Variants in CADPS observed in about 807,000 individuals in gnomAD.
CADPS encodes calcium dependent secretion activator, also known as calcium-dependent secretion activator 1.
A neutral mutation model predicts 167.3 loss-of-function variants in CADPS; 57 were observed. The ratio of observed to expected loss-of-function variants is 0.34; its 90% CI spans 0.28 to 0.42. CADPS has a LOEUF of 0.42. Ranked by LOEUF, CADPS falls within the 20% of genes least tolerant of loss-of-function variation. CADPS has a pLI of 1.00. For synonymous variants in CADPS, 676 were observed against 635.3 expected (o/e 1.06, Z -0.96); for missense variants, 1,414 against 1,738.1 (o/e 0.81, Z 3.32).
At chr3:62,713,444 T>G (rs1404728129) in intron 3 of CADPS, among the ~76,000 whole-genome samples, 1 of 152,228 alleles carries the variant, frequency 6.6e-6, no homozygotes, top group African/African-American at 2.4e-5. Flanking sequence ...ACCTGGCAGT[T>G]ATCACCCCTT....
intron 3 of CADPS, among the ~76,000 whole-genome samples, chr3:62,695,484 C>G (rs2080093197): frequency 1.3e-5 from 2 of 152,014 alleles, no homozygotes; most frequent in African/African-American, 2.4e-5. Context: ...TAAACTGAGT[C>G]TGACACCTTA....
chr3:62,721,118 G>GTTTTTTTTTTTTGT (rs2075716065), intron 3 of CADPS, among the ~76,000 whole-genome samples: 1 of 120,354 alleles, frequency 8.3e-6, no homozygotes, highest in South Asian at 2.9e-4. Context: ...TGCCCGGCAG[G>GTTTTTTTTTTTTGT]TTTTTTTTTT....
intron 1 of CADPS, among the ~76,000 whole-genome samples, chr3:62,788,634 T>C (rs1173724600): frequency 6.6e-6 from 1 of 152,148 alleles, no homozygotes; most frequent in Non-Finnish European, 1.5e-5. Context: ...TGTGATGATA[T>C]TCCTTGTTGG....
At chr3:62,616,100 A>AT (rs1413890911) in intron 6 of CADPS, among the ~76,000 whole-genome samples, 1 of 152,182 alleles carries the variant, frequency 6.6e-6, no homozygotes, top group African/African-American at 2.4e-5. Flanking sequence ...TATGAGCACA[A>AT]TAAAATCCAG....
intron 28 of CADPS, among the ~76,000 whole-genome samples, chr3:62,415,321 G>A (rs1336860003): frequency 1.3e-5 from 2 of 152,032 alleles, no homozygotes. Flanking sequence ...AAAAACATCT[G>A]CAAACTCCCA....
At position 62,645,705 on chromosome 3, in the gene CADPS, G is replaced by A. The variant is rs1053830352; in HGVS notation, c.1325+17C>T. 15 of 1,613,304 alleles carry A rather than the reference G, an allele frequency of 9.3e-6. No individual in the cohort carries two copies. In the Admixed American group the frequency reaches 1.0e-4, roughly 11 times the overall value. ...AGCAACCCTCTATAAGATGGACCCT[G>A]GAGAAACATAACTTACGTTGGTTTA... On this transcript the variant is annotated intron_variant, in intron 6 of 29. Coordinates refer to ENST00000383710, the MANE Select transcript of CADPS (RefSeq NM_003716.4).
chr3:62,722,967 G>T (rs1048018409), intron 3 of CADPS, among the ~76,000 whole-genome samples: 6 of 152,130 alleles, frequency 3.9e-5, no homozygotes, highest in African/African-American at 1.4e-4. Flanking sequence ...GGAGAGGAAG[G>T]TGGTGGTGTC....
At chr3:62,415,099 G>A (rs532179286) in intron 28 of CADPS, among the ~76,000 whole-genome samples, 1 of 86,590 alleles carries the variant, frequency 1.2e-5, no homozygotes, top group African/African-American at 4.4e-5. Flanking sequence ...CACCCTCCCC[G>A]CCCCATACTT....
chr3:62,491,449 G>C lies in CADPS; in HGVS notation c.2916C>G (p.His972Gln). 1.2e-6 allele frequency: 2 copies of C among 1,613,944 alleles called. No homozygotes were observed. Among genetic ancestry groups the C allele is most frequent in the South Asian group, 2.2e-5 (2 of 91,078 alleles). The change falls in exon 21 of 30, where the codon CAC (histidine) becomes CAG (glutamine). Residue 972 changes from histidine to glutamine, a missense_variant. Transcript: ENST00000383710. ...YNLCNGKFHK[H>Q]LQDLFAPLVV... ...CAAGTGGGGCAAACAGGTCTTGCAG[G>C]TGTTTGTGAAATTTTCCATTGCACA...
intron 13 of CADPS, among the ~76,000 whole-genome samples, chr3:62,527,118 C>A (rs76890175): frequency 0.026 from 3,918 of 152,244 alleles, 167 homozygotes; most frequent in African/African-American, 0.089. Context: ...GATTTATGTG[C>A]ACAATGAAGT....
At chr3:62,741,290 T>G (rs867531173) in intron 3 of CADPS, among the ~76,000 whole-genome samples, 1 of 152,138 alleles carries the variant, frequency 6.6e-6, no homozygotes, top group Non-Finnish European at 1.5e-5. Context: ...CAGCATCATC[T>G]TGACACCAAA....
At chr3:62,715,892 C>T (rs1329731508) in intron 3 of CADPS, among the ~76,000 whole-genome samples, 2 of 146,560 alleles carry the variant, frequency 1.4e-5, no homozygotes, top group East Asian at 2.1e-4. Flanking sequence ...ACTACAGGCA[C>T]CCGCCACCAC....
chr3:62,718,287 T>C (rs925600875), intron 3 of CADPS, among the ~76,000 whole-genome samples: 1 of 152,144 alleles, frequency 6.6e-6, no homozygotes, highest in Admixed American at 6.5e-5. Context: ...GGTGAATGAA[T>C]GAATGAATGA....
intron 6 of CADPS, among the ~76,000 whole-genome samples, chr3:62,624,140 T>G (rs995629573): frequency 6.6e-6 from 1 of 152,128 alleles, no homozygotes; most frequent in African/African-American, 2.4e-5. Flanking sequence ...GCCTGAAACG[T>G]CAACAGTGCT....
intron 1 of CADPS, among the ~76,000 whole-genome samples, chr3:62,873,627 T>A (rs1350885686): frequency 6.6e-6 from 1 of 151,148 alleles, no homozygotes; most frequent in Non-Finnish European, 1.5e-5. Context: ...CTTTTTTTTT[T>A]TTTTTTTAAC....
chr3:62,514,400 A>T lies in CADPS; in HGVS notation c.2582-1632T>A, dbSNP rs756802221. On this transcript the variant is annotated intron_variant, in intron 16 of 29. Coordinates refer to ENST00000383710, the MANE Select transcript of CADPS (RefSeq NM_003716.4). The surrounding 1 kb of genome is among the most constrained non-coding windows in gnomAD (Gnocchi z 4.2). ...ATTAAAGTGGCTGAGCCAATCACGG[A>T]CAAGGAAGGAGAGAAGCGGAAGAGA... Among the ~76,000 whole-genome samples the T allele has an allele frequency of 6.6e-6, 1 of 152,082 alleles. No homozygotes were observed. Among genetic ancestry groups the T allele is most frequent in the Non-Finnish European group, 1.5e-5 (1 of 67,996 alleles).
chr3:62,666,628 G>A (rs1216729508), intron 3 of CADPS, among the ~76,000 whole-genome samples: 4 of 152,276 alleles, frequency 2.6e-5, no homozygotes, highest in Admixed American at 2.6e-4. Context: ...AGGCTGTGTG[G>A]TTGTTTTGAC....
intron 28 of CADPS, among the ~76,000 whole-genome samples, chr3:62,414,779 A>G (rs907237708): frequency 6.6e-6 from 1 of 152,216 alleles, no homozygotes; most frequent in African/African-American, 2.4e-5. Context: ...TAGAGGCCAC[A>G]TCAAAACTCT....
intron 11 of CADPS, among the ~76,000 whole-genome samples, chr3:62,542,605 T>A (rs181142240): frequency 6.6e-6 from 1 of 152,182 alleles, no homozygotes; most frequent in African/African-American, 2.4e-5. Context: ...ACCACTTAAT[T>A]GAGAAACAAC....
Sources: allele counts gnomAD v4.1 joint callset (sites outside exome capture counted in the v4.1 genomes callset), GRCh38; gene constraint gnomAD v4.1.1; non-coding constraint Gnocchi (gnomAD v3.1); transcripts MANE v1.5; gene names NCBI Gene and HGNC (gene_info 2026-07-23, HGNC 2026-07-21).